DNAH12: variants seen among roughly 807,000 people sequenced by gnomAD.
DNAH12 encodes the protein dynein axonemal heavy chain 12.
DNAH12 carries 285 observed loss-of-function variants against 371.5 expected under a neutral mutation model. The observed-to-expected ratio is 0.77, with a 90% confidence interval of 0.70 to 0.85. The LOEUF (loss-of-function observed/expected upper bound fraction) is 0.85, where lower values mean the gene tolerates loss of function less well. Ranked by LOEUF, DNAH12 falls within the 40% of genes least tolerant of loss-of-function variation. The probability of loss-of-function intolerance (pLI) is 0.00; values close to 1 mark genes in which losing one functional copy is unlikely to be tolerated. For synonymous variants in DNAH12, 1,200 were observed against 1,213.0 expected (o/e 0.99, Z 0.22); for missense variants, 3,611 against 3,689.4 (o/e 0.98, Z 0.55).
intron 30 of DNAH12, among the ~76,000 whole-genome samples, chr3:57,435,787 T>C (rs2065104583): frequency 6.6e-6 from 1 of 152,152 alleles, no homozygotes; most frequent in Non-Finnish European, 1.5e-5. Context: ...ACAGACTACA[T>C]CTCAAAAATA....
chr3:57,446,326 TAAAAC>T (rs1385331226), intron 26 of DNAH12, 56 bp from the exon 27 acceptor site: 13 of 1,504,908 alleles, frequency 8.6e-6, no homozygotes, highest in Non-Finnish European at 1.2e-5. Context: ...TATCATCTCT[TAAAAC>T]AAATACCTAA....
intron 59 of DNAH12, among the ~76,000 whole-genome samples, chr3:57,353,926 T>C (rs2062739839): frequency 6.6e-6 from 1 of 152,218 alleles, no homozygotes; most frequent in Non-Finnish European, 1.5e-5. Context: ...ACACTGCTGG[T>C]GGGAATGTAA....
Position 57,415,582 on chromosome 3 carries a change from A to C in DNAH12, c.5715-18T>G. On this transcript the variant is annotated intron_variant, in intron 37 of 73. Coordinates refer to ENST00000495027, the MANE Select transcript of DNAH12 (RefSeq NM_001366028.2). Reference sequence around the variant, plus strand: ...GGAGTGGCCTTAATGAAAACAATGAATATATTATTCAAAATGGAAAAAAAG... The same window carrying C: ...GGAGTGGCCTTAATGAAAACAATGACTATATTATTCAAAATGGAAAAAAAG... 6.6e-7 allele frequency: 1 copy of C among 1,518,362 alleles called. No individual in the cohort carries two copies. Among genetic ancestry groups the C allele is most frequent in the Non-Finnish European group, 8.8e-7 (1 of 1,138,126 alleles). 94.1% of individuals were successfully genotyped at this position (1,518,362 alleles called of 1,614,324 possible). A position where few individuals can be genotyped will look rare whatever the true frequency, so the allele number is the denominator to read the frequency against.
intron 11 of DNAH12, among the ~76,000 whole-genome samples, chr3:57,490,987 G>C (rs1394160228): frequency 6.7e-6 from 1 of 148,730 alleles, no homozygotes; most frequent in Non-Finnish European, 1.5e-5. Flanking sequence ...TACTCAAGAG[G>C]CTGAGAATCG....
At chr3:57,431,340 T>C (rs2064950681) in intron 32 of DNAH12, among the ~76,000 whole-genome samples, 1 of 152,228 alleles carries the variant, frequency 6.6e-6, no homozygotes, top group Admixed American at 6.5e-5. Context: ...TTATAAAGAC[T>C]GAGAATCTCA....
rs1171296084 is a variant in DNAH12 at position 57,483,435 on chromosome 3, T to C, written c.1591A>G (p.Ile531Val). ...GTCCGGGCTTTTTCTACATAAGATA[T>C]CAGATCCATCATCTCTTCTGTTGTT... ...PETTEEMMDL[I>V]SYVEKARTVG... Residue 531 changes from isoleucine (I) to valine (V), a missense_variant, in exon 13 of 74, where the codon ATA becomes GTA. Transcript: ENST00000495027. 2.6e-6 allele frequency: 4 copies of C among 1,551,460 alleles called. No individual in the cohort carries two copies. The African/African-American group carries it at 4.1e-5, about 16-fold the overall frequency.
In DNAH12 at chr3:57,508,414, A is replaced by G. The variant is rs1197648537; in HGVS notation, c.669T>C (p.Ala223=). ...CTGTGAAGTCCAACAAAACTGTATCAGCAAATGTTGTATAACCAAGGTCCA... is the reference window on the plus strand; with the variant it reads ...CTGTGAAGTCCAACAAAACTGTATCGGCAAATGTTGTATAACCAAGGTCCA... The part of the protein sequence containing the change: ...MLLDLGYTTF[A]DTVLLDFTGI... The change falls in exon 7 of 74, where the codon GCT becomes GCC. Residue 223 remains alanine (A), a synonymous_variant. Transcript: ENST00000495027. 3.1e-6 allele frequency: 5 copies of G among 1,608,176 alleles called. No homozygotes were observed. Among genetic ancestry groups the G allele is most frequent in the Non-Finnish European group, 4.2e-6 (5 of 1,178,666 alleles).
chr3:57,404,830 AATATTTT>A (rs2063976633), intron 42 of DNAH12, 132 bp downstream of exon 42: 5 of 733,426 alleles, frequency 6.8e-6, no homozygotes, highest in Middle Eastern at 4.1e-4. Flanking sequence ...ATAAATTACT[AATATTTT>A]ATGTTTTATG....
In DNAH12 at chr3:57,361,432, T is replaced by C. The variant is rs1021867552; in HGVS notation, c.9360+2162A>G. 7.0e-4 allele frequency among the ~76,000 whole-genome samples: 89 copies of C among 126,348 alleles called. 1 individual carries two copies. Among genetic ancestry groups the C allele is most frequent in the African/African-American group, 1.6e-3 (47 of 28,616 alleles). The allele number at this position is 126,348 out of a possible 152,430, so 82.9% of individuals were successfully genotyped here. On this transcript the variant is annotated intron_variant, in intron 58 of 73. Coordinates refer to ENST00000495027, the MANE Select transcript of DNAH12 (RefSeq NM_001366028.2). ...TATATACACACACACTATATATATA[T>C]ACACACACACACTATATATATATAT...
At position 57,320,942 on chromosome 3, in the gene DNAH12, T is replaced by C. The variant is rs568513511; in HGVS notation, c.10524+1401A>G. Among the ~76,000 whole-genome samples the C allele has an allele frequency of 7.8e-4, 119 of 152,330 alleles. 1 individual carries two copies. Among genetic ancestry groups the C allele is most frequent in the African/African-American group, 2.7e-3 (111 of 41,574 alleles). ...CCACTGTTCATCACAAAAATGATGA[T>C]ACATGGCAAGGATACTAACTTCAGA... On this transcript the variant is annotated intron_variant, in intron 65 of 73. Coordinates refer to ENST00000495027, the MANE Select transcript of DNAH12 (RefSeq NM_001366028.2).
At chr3:57,505,239 C>T (rs2067708387) in intron 8 of DNAH12, among the ~76,000 whole-genome samples, 1 of 118,748 alleles carries the variant, frequency 8.4e-6, no homozygotes, top group Non-Finnish European at 1.7e-5. Context: ...CCACTTACCA[C>T]ACCCCCCACC....
chr3:57,415,395 G>A (rs1004171025), intron 38 of DNAH12, 31 bp downstream of exon 38: 9 of 1,539,788 alleles, frequency 5.8e-6, no homozygotes, highest in South Asian at 2.5e-5. Context: ...AAAAATTAAC[G>A]ATAGACCCCC....
chr3:57,549,917 C>A, the DNAH12 span, among the ~76,000 whole-genome samples: 1 of 152,004 alleles, frequency 6.6e-6, no homozygotes, highest in South Asian at 2.1e-4. Context: ...AGCCACCATA[C>A]CTGGCTTACT....
chr3:57,296,084 TG>T (rs2061228291), intron 72 of DNAH12, among the ~76,000 whole-genome samples: 1 of 152,108 alleles, frequency 6.6e-6, no homozygotes, highest in South Asian at 2.1e-4. Context: ...AGAAGGAAAC[TG>T]TTATAAAATG....
chr3:57,381,441 C>CTA (rs2063388861), intron 50 of DNAH12, among the ~76,000 whole-genome samples: 1 of 151,956 alleles, frequency 6.6e-6, no homozygotes, highest in African/African-American at 2.4e-5. Flanking sequence ...ACTATGCCTT[C>CTA]CTTTTTAAGG....
chr3:57,338,370 G>A (rs147350426), intron 60 of DNAH12, among the ~76,000 whole-genome samples: 10 of 152,288 alleles, frequency 6.6e-5, no homozygotes, highest in Non-Finnish European at 1.3e-4. Context: ...GCCCCGTCTG[G>A]GATGTGAGGA....
At chr3:57,535,064 G>A (rs773729350) in intron 2 of DNAH12, among the ~76,000 whole-genome samples, 21 of 152,034 alleles carry the variant, frequency 1.4e-4, no homozygotes, top group South Asian at 4.2e-4. Flanking sequence ...CCATATTACC[G>A]ATAGGAACAT....
At chr3:57,319,889 GTTTATA>G (rs1273760906) in intron 65 of DNAH12, among the ~76,000 whole-genome samples, 2 of 151,910 alleles carry the variant, frequency 1.3e-5, no homozygotes, top group African/African-American at 4.8e-5. Flanking sequence ...CCAGCTGAGA[GTTTATA>G]TTATAAAAAA....
In DNAH12 at chr3:57,308,786, C is replaced by T. The variant is rs557488176; in HGVS notation, c.11189+365G>A. Among the ~76,000 whole-genome samples, 4 of 152,288 alleles carry T rather than the reference C, an allele frequency of 2.6e-5. No homozygotes were observed. In the East Asian group the frequency reaches 5.8e-4, roughly 22 times the overall value. ...CTCAGGCACTCTCTAATTAGATGTC[C>T]TAGGTCCTCCCAATTCTTAGTCCTT... On this transcript the variant is annotated intron_variant, in intron 69 of 73. Transcript: ENST00000495027.
Sources: gnomAD v4.1 joint callset for allele counts (sites outside exome capture counted in the v4.1 genomes callset) on GRCh38, gnomAD v4.1.1 for gene constraint, MANE v1.5 for transcripts, NCBI Gene and HGNC (gene_info 2026-07-23, HGNC 2026-07-21) for gene names.